The following NEMP2 variants were observed in gnomAD, a reference collection of about 807,000 sequenced individuals.
The protein encoded by NEMP2 is UPF0571 transmembrane protein.
Under a neutral mutation model 54.2 loss-of-function variants are expected in NEMP2, and 53 were observed. The observed-to-expected ratio is 0.98, with a 90% CI of 0.78 to 1.23. The LOEUF is 1.23. Among genes scored for constraint, NEMP2 ranks in the 50% most tolerant of loss-of-function variants. The pLI, the probability that NEMP2 is intolerant of heterozygous loss-of-function variation, is 0.00. For missense variants in NEMP2, 455 were observed against 511.3 expected, an observed-to-expected ratio of 0.89 and a Z score of 1.06; for synonymous variants, 197 against 190.3, an observed-to-expected ratio of 1.04 and a Z score of -0.29.
downstream of NEMP2, chr2:190,499,781 C>T: frequency 6.7e-7 from 1 of 1,482,768 alleles, no homozygotes; most frequent in Non-Finnish European, 9.1e-7. The surrounding 1 kb of genome is among the most constrained non-coding windows in gnomAD (Gnocchi z 6.0). Context: ...TTCCTTTTTC[C>T]ACAAGACACG....
the NEMP2 span, among the ~76,000 whole-genome samples, chr2:190,431,585 A>G: frequency 6.6e-6 from 1 of 152,206 alleles, no homozygotes; most frequent in African/African-American, 2.4e-5. This position sits in a 1 kb window ranked among gnomAD's most constrained non-coding sequence, Gnocchi z 4.4. Context: ...CGCGCCTGCA[A>G]TCGCAGGCAC....
At chr2:190,477,875 T>C in the NEMP2 span, among the ~76,000 whole-genome samples, 1 of 152,048 alleles carries the variant, frequency 6.6e-6, no homozygotes, top group Non-Finnish European at 1.5e-5. Context: ...CCTACAAAAA[T>C]CACATAAGCT....
At chr2:190,570,742 T>C in the NEMP2 span, among the ~76,000 whole-genome samples, 128 of 152,344 alleles carry the variant, frequency 8.4e-4, no homozygotes, top group African/African-American at 2.9e-3. This position sits in a 1 kb window ranked among gnomAD's most constrained non-coding sequence, Gnocchi z 5.4. Context: ...TGTGTTCTTT[T>C]AGTGGGGTAG....
chr2:190,545,536 T>G, the NEMP2 span, among the ~76,000 whole-genome samples: 1 of 152,256 alleles, frequency 6.6e-6, no homozygotes, highest in Non-Finnish European at 1.5e-5. Context: ...TTATGTATGA[T>G]TCAGGAACCT....
At position 190,534,635 on chromosome 2, in the gene NEMP2, C is replaced by G; in HGVS notation, c.21G>C (p.Arg7=). The change falls in exon 1 of 9, where the codon CGG becomes CGC. Residue 7 remains arginine, a synonymous_variant. Coordinates refer to ENST00000409150, the MANE Select transcript of NEMP2 (RefSeq NM_001142645.2). ...GCGGCAGCCAGAGCAGCAGCCACCACCGCCCTTGGCGCGGCCCCATTTCGT... is the reference window on the plus strand; with the variant it reads ...GCGGCAGCCAGAGCAGCAGCCACCAGCGCCCTTGGCGCGGCCCCATTTCGT... MGPRQG[R]WWLLLWLPPL... is the part of the protein sequence containing the mutation. 10 of 1,346,530 alleles carry G rather than the reference C, an allele frequency of 7.4e-6. No homozygotes were observed. Among genetic ancestry groups the G allele is most frequent in the East Asian group, 3.1e-5 (1 of 32,486 alleles). 83.4% of individuals were successfully genotyped at this position (1,346,530 alleles called of 1,614,324 possible).
chr2:190,624,916 C>T, the NEMP2 span: 1 of 152,342 alleles, frequency 6.6e-6, no homozygotes, highest in Non-Finnish European at 1.5e-5. Context: ...AACCACTTCA[C>T]ATCCATTAAA....
At chr2:190,561,926 G>T in the NEMP2 span, among the ~76,000 whole-genome samples, 1 of 152,228 alleles carries the variant, frequency 6.6e-6, no homozygotes, top group East Asian at 1.9e-4. This position sits in a 1 kb window ranked among gnomAD's most constrained non-coding sequence, Gnocchi z 5.4. Flanking sequence ...TTTAAAATAA[G>T]AGGATCTTAA....
At chr2:190,591,101 G>A in the NEMP2 span, among the ~76,000 whole-genome samples, 1 of 152,172 alleles carries the variant, frequency 6.6e-6, no homozygotes, top group African/African-American at 2.4e-5. The surrounding 1 kb of genome is among the most constrained non-coding windows in gnomAD (Gnocchi z 5.4). Context: ...AAGGAAATAA[G>A]TAGGATTCAG....
chr2:190,610,575 T>A, the NEMP2 span: 1 of 152,212 alleles, frequency 6.6e-6, no homozygotes, highest in Admixed American at 6.6e-5. The surrounding 1 kb of genome is among the most constrained non-coding windows in gnomAD (Gnocchi z 5.4). Flanking sequence ...ACCATTCCAG[T>A]CAAAGCCCTT....
At chr2:190,574,446 T>C in the NEMP2 span, among the ~76,000 whole-genome samples, 2 of 152,352 alleles carry the variant, frequency 1.3e-5, no homozygotes, top group South Asian at 4.1e-4. Flanking sequence ...ATTTACAGAT[T>C]CTTTCTTAAT....
the NEMP2 span, among the ~76,000 whole-genome samples, chr2:190,603,641 T>C: frequency 1.3e-5 from 2 of 149,696 alleles, no homozygotes; most frequent in Admixed American, 1.3e-4. Flanking sequence ...CGGGGAGCTC[T>C]GGCATTTAGG....
At chr2:190,438,178 CTT>C in the NEMP2 span, among the ~76,000 whole-genome samples, 2 of 149,560 alleles carry the variant, frequency 1.3e-5, no homozygotes, top group Non-Finnish European at 3.0e-5. This position sits in a 1 kb window ranked among gnomAD's most constrained non-coding sequence, Gnocchi z 5.2. Flanking sequence ...GAAAATCTTT[CTT>C]CCACCTAAAA....
chr2:190,459,414 G>A, the NEMP2 span, among the ~76,000 whole-genome samples: 1 of 152,170 alleles, frequency 6.6e-6, no homozygotes, highest in African/African-American at 2.4e-5. This position sits in a 1 kb window ranked among gnomAD's most constrained non-coding sequence, Gnocchi z 5.3. Flanking sequence ...GGAAATTATA[G>A]TGTTTGTGTC....
At chr2:190,545,712 A>T in the NEMP2 span, among the ~76,000 whole-genome samples, 8 of 152,156 alleles carry the variant, frequency 5.3e-5, no homozygotes, top group Non-Finnish European at 1.0e-4. Flanking sequence ...GGGTGGGTGG[A>T]GGTTGGGGAA....
chr2:190,460,826 G>A, the NEMP2 span, among the ~76,000 whole-genome samples: 1 of 152,160 alleles, frequency 6.6e-6, no homozygotes, highest in East Asian at 1.9e-4. Flanking sequence ...CTGAGAGCTA[G>A]GCAGTGTTGT....
At chr2:190,498,126 G>T in the NEMP2 span, 1 of 167,598 alleles carries the variant, frequency 6.0e-6, no homozygotes, top group Non-Finnish European at 1.3e-5. This position sits in a 1 kb window ranked among gnomAD's most constrained non-coding sequence, Gnocchi z 5.9. Flanking sequence ...CCACTGTATG[G>T]GTCTGATAGG....
the NEMP2 span, among the ~76,000 whole-genome samples, chr2:190,498,203 A>AT: frequency 1.3e-5 from 2 of 152,262 alleles, no homozygotes; most frequent in East Asian, 1.9e-4. The surrounding 1 kb of genome is among the most constrained non-coding windows in gnomAD (Gnocchi z 5.9). Context: ...TAAAAGTGTG[A>AT]TTTTTCTTGT....
In NEMP2 at chr2:190,509,716, G is replaced by A. The variant is rs1338447630; in HGVS notation, c.1131-404C>T. The stretch of plus-strand genomic sequence containing the variant: ...AGAGAAAGCAATAAGGAAAAATTTT[G>A]GGACAGACGTCTTTCTTAGTGAACT... On this transcript the variant is annotated intron_variant, in intron 8 of 8. Coordinates refer to ENST00000409150, the MANE Select transcript of NEMP2 (RefSeq NM_001142645.2). The surrounding 1 kb of genome is among the most constrained non-coding windows in gnomAD (Gnocchi z 6.1). Among the ~76,000 whole-genome samples, 3 of 152,208 alleles carry A rather than the reference G, an allele frequency of 2.0e-5. No homozygotes were observed. Among genetic ancestry groups the A allele is most frequent in the African/African-American group, 4.8e-5 (2 of 41,448 alleles).
chr2:190,583,231 C>CTTTTTTT, the NEMP2 span, among the ~76,000 whole-genome samples: 1 of 141,700 alleles, frequency 7.1e-6, no homozygotes. Context: ...AGTCATAGGT[C>CTTTTTTT]TTTTTTTTTT....
Sources: gnomAD v4.1 joint callset for allele counts (sites outside exome capture counted in the v4.1 genomes callset) on GRCh38, gnomAD v4.1.1 for gene constraint, Gnocchi (gnomAD v3.1) non-coding constraint, MANE v1.5 for transcripts, NCBI Gene and HGNC (gene_info 2026-07-23, HGNC 2026-07-21) for gene names.